Variants in DNM2 observed in about 807,000 individuals in gnomAD.
DNM2 encodes the protein dynamin-2.
A neutral mutation model predicts 99.0 loss-of-function variants in DNM2; 15 were observed. The ratio of observed to expected loss-of-function variants is 0.15; its 90% CI spans 0.10 to 0.23. The LOEUF (loss-of-function observed/expected upper bound fraction) is 0.23, where lower values mean the gene tolerates loss of function less well. Ranked by LOEUF, DNM2 falls within the 10% of genes least tolerant of loss-of-function variation. DNM2 has a pLI of 1.00. For synonymous variants in DNM2, 525 were observed against 481.2 expected (o/e 1.09, Z -1.19); for missense variants, 742 against 1,189.4 (o/e 0.62, Z 5.53).
chr19:10,824,930 C>A, intron 17 of DNM2, 127 bp from the exon 18 acceptor site: 1 of 1,472,052 alleles, frequency 6.8e-7, no homozygotes, highest in Non-Finnish European at 9.4e-7. Context: ...CTATCTGGTG[C>A]CAGTGGGGCT....
intron 6 of DNM2, among the ~76,000 whole-genome samples, chr19:10,786,224 G>T (rs1328165962): frequency 1.3e-5 from 2 of 152,228 alleles, no homozygotes; most frequent in Non-Finnish European, 2.9e-5. Flanking sequence ...TGTAGGGCCT[G>T]TCCCCATGTG....
intron 1 of DNM2, among the ~76,000 whole-genome samples, chr19:10,723,112 C>T (rs1175480668): frequency 2.0e-5 from 3 of 149,480 alleles, no homozygotes; most frequent in African/African-American, 7.4e-5. Flanking sequence ...ACTACAGTTG[C>T]GAGCCACCAC....
At position 10,759,729 on chromosome 19, in the gene DNM2, C is replaced by G. The variant is rs200736669; in HGVS notation, c.162-9C>G. 53 of 1,614,038 alleles carry G rather than the reference C, an allele frequency of 3.3e-5. No homozygotes were observed. The highest frequency in any genetic ancestry group is 1.6e-4 in the Middle Eastern group (1 of 6,084). ...AAGAGTAATTTCTGTCCCTCTCCCC[C>G]CCTCACAGGGACTTCCTTCCCCGCG... is the stretch of plus-strand genomic sequence containing the variant. On this transcript the variant is annotated splice_polypyrimidine_tract_variant and intron_variant, in intron 1 of 20. Coordinates refer to ENST00000389253, the MANE Select transcript of DNM2 (RefSeq NM_001005361.3).
intron 15 of DNM2, among the ~76,000 whole-genome samples, 153 bp from the exon 16 acceptor site, chr19:10,819,827 C>T (rs897516304): frequency 2.0e-5 from 3 of 152,026 alleles, no homozygotes; most frequent in Admixed American, 6.6e-5. Context: ...GAGTGACGGA[C>T]GGGGAAGGGC....
At chr19:10,745,089 C>T (rs2069914165) in intron 1 of DNM2, among the ~76,000 whole-genome samples, 2 of 152,152 alleles carry the variant, frequency 1.3e-5, no homozygotes, top group Admixed American at 1.3e-4. Flanking sequence ...TTCATTTGCA[C>T]ACCTCACATG....
intron 11 of DNM2, among the ~76,000 whole-genome samples, chr19:10,801,630 G>A (rs1466631212): frequency 2.8e-5 from 4 of 142,068 alleles, no homozygotes; most frequent in Non-Finnish European, 6.0e-5. Context: ...AAAAAAGCCA[G>A]GCGCAGTGGC....
chr19:10,738,957 A>G (rs2069635762), intron 1 of DNM2, among the ~76,000 whole-genome samples: 1 of 151,848 alleles, frequency 6.6e-6, no homozygotes, highest in Non-Finnish European at 1.5e-5. Flanking sequence ...TCACGAGGTC[A>G]GGAGATTGAG....
At chr19:10,736,776 C>T (rs1249998762) in intron 1 of DNM2, among the ~76,000 whole-genome samples, 1 of 152,130 alleles carries the variant, frequency 6.6e-6, no homozygotes, top group Non-Finnish European at 1.5e-5. Context: ...CAGTTTCTGC[C>T]TCCTCAGTCT....
In DNM2 at chr19:10,764,961, CTTTTTTT is replaced by C. The variant is rs1173396952; in HGVS notation, c.235+5160_235+5166del. 1.4e-5 allele frequency among the ~76,000 whole-genome samples: 2 copies of C among 141,902 alleles called. No homozygotes were observed. Among genetic ancestry groups the C allele is most frequent in the African/African-American group, 5.1e-5 (2 of 38,932 alleles). 93.1% of individuals were successfully genotyped at this position (141,902 alleles called of 152,430 possible). ...TATCCTGTTCTTGTTTTTTCTTTTTCTTTTTTTTTTTTTTTTGAGATGGAGTCTCGCT... is the reference window on the plus strand; with the variant it reads ...TATCCTGTTCTTGTTTTTTCTTTTTCTTTTTTTTTGAGATGGAGTCTCGCT... On this transcript the variant is annotated intron_variant, in intron 2 of 20. Coordinates refer to ENST00000389253, the MANE Select transcript of DNM2 (RefSeq NM_001005361.3). This position sits in a 1 kb window ranked among gnomAD's most constrained non-coding sequence, Gnocchi z 4.1.
chr19:10,806,008 C>T lies in DNM2; in HGVS notation c.1545+41C>T, dbSNP rs2287029. On this transcript the variant is annotated intron_variant, in intron 13 of 20. Coordinates refer to ENST00000389253, the MANE Select transcript of DNM2 (RefSeq NM_001005361.3). ...GCAGTCTCCCGCTCTACCCTGGGGG[C>T]GGGAGGACGCTAAGTGACAGCTAAG... 271,795 of 1,613,244 alleles carry T rather than the reference C, an allele frequency of 0.17. 24,287 individuals carry two copies. Among genetic ancestry groups the T allele is most frequent in the Middle Eastern group, 0.22 (1,329 of 6,060 alleles).
chr19:10,764,656 C>T lies in DNM2; in HGVS notation c.235+4845C>T, dbSNP rs528601501. On this transcript the variant is annotated intron_variant, in intron 2 of 20. Coordinates refer to ENST00000389253, the MANE Select transcript of DNM2 (RefSeq NM_001005361.3). This position sits in a 1 kb window ranked among gnomAD's most constrained non-coding sequence, Gnocchi z 4.1. ...AAGGAAGAGATGTCAGGACCTGGCT[C>T]CAGGGCTTCCCATTGGCCTCAGAAT... 2.0e-4 allele frequency among the ~76,000 whole-genome samples: 30 copies of T among 152,306 alleles called. No individual in the cohort carries two copies. Among genetic ancestry groups the T allele is most frequent in the African/African-American group, 6.3e-4 (26 of 41,570 alleles).
chr19:10,767,031 G>A (rs186149613), intron 2 of DNM2, among the ~76,000 whole-genome samples: 11 of 152,206 alleles, frequency 7.2e-5, no homozygotes, highest in Non-Finnish European at 2.9e-5. Context: ...AACTGGCTTT[G>A]GTATCTGGAA....
intron 1 of DNM2, among the ~76,000 whole-genome samples, chr19:10,755,968 A>G (rs1479475074): frequency 6.6e-6 from 1 of 152,100 alleles, no homozygotes; most frequent in Admixed American, 6.5e-5. Context: ...CTGACCTGAG[A>G]CACTGCGTCT....
intron 12 of DNM2, 171 bp downstream of exon 12, chr19:10,802,529 A>C (rs934902268): frequency 4.0e-6 from 3 of 755,464 alleles, no homozygotes; most frequent in Admixed American, 2.0e-5. Context: ...TCCTGGGCTG[A>C]TAGTGGTCCA....
chr19:10,726,484 G>A (rs1599421140), intron 1 of DNM2, among the ~76,000 whole-genome samples: 2 of 152,248 alleles, frequency 1.3e-5, no homozygotes, highest in Admixed American at 6.5e-5. Context: ...ATGCAGGCAC[G>A]CCCTGTTCCC....
rs954697697 is a variant in DNM2 at position 10,816,816 on chromosome 19, T to C, written c.1672-3164T>C. 2.0e-5 allele frequency among the ~76,000 whole-genome samples: 3 copies of C among 152,318 alleles called. No individual in the cohort carries two copies. Among genetic ancestry groups the C allele is most frequent in the South Asian group, 4.1e-4 (2 of 4,830 alleles). On this transcript the variant is annotated intron_variant, in intron 15 of 20. Coordinates refer to ENST00000389253, the MANE Select transcript of DNM2 (RefSeq NM_001005361.3). The surrounding 1 kb of genome is among the most constrained non-coding windows in gnomAD (Gnocchi z 4.6). Reference sequence around the variant, plus strand: ...TCTCTGCCTGGCAGCATTGCAAGTCTAGTTTTCAGATCTCCTCTTCCTTCA... The same window carrying C: ...TCTCTGCCTGGCAGCATTGCAAGTCCAGTTTTCAGATCTCCTCTTCCTTCA...
At chr19:10,802,477 C>G in intron 12 of DNM2, 119 bp downstream of exon 12, 4 of 1,197,310 alleles carry the variant, frequency 3.3e-6, no homozygotes, top group Non-Finnish European at 4.9e-6. Context: ...TGTCGGGGGT[C>G]CTGGGGTGAA....
rs374012479 is a variant in DNM2 at position 10,820,120 on chromosome 19, G to A, written c.1781+31G>A. 26 of 1,606,798 alleles carry A rather than the reference G, an allele frequency of 1.6e-5. No individual in the cohort carries two copies. The highest frequency in any genetic ancestry group is 4.0e-5 in the African/African-American group (3 of 74,782). On this transcript the variant is annotated intron_variant, in intron 16 of 20. Coordinates refer to ENST00000389253, the MANE Select transcript of DNM2 (RefSeq NM_001005361.3). The surrounding 1 kb of genome is among the most constrained non-coding windows in gnomAD (Gnocchi z 4.3). The stretch of plus-strand genomic sequence containing the variant: ...GGGCCCAGGGGCCTGGGGATGGCTC[G>A]GGGTGAAGACCAATGGCCTCATTCA...
chr19:10,737,200 A>G (rs2069560578), intron 1 of DNM2, among the ~76,000 whole-genome samples: 1 of 151,930 alleles, frequency 6.6e-6, no homozygotes, highest in Non-Finnish European at 1.5e-5. Flanking sequence ...GGTAAAAATG[A>G]AGTCGTCCCT....
Sources: gnomAD v4.1 joint callset for allele counts (sites outside exome capture counted in the v4.1 genomes callset) on GRCh38, gnomAD v4.1.1 for gene constraint, Gnocchi (gnomAD v3.1) non-coding constraint, MANE v1.5 for transcripts, NCBI Gene and HGNC (gene_info 2026-07-23, HGNC 2026-07-21) for gene names.